The following ITSN1 variants were observed in gnomAD, a reference collection of about 807,000 sequenced individuals.
ITSN1 encodes intersectin-1.
A neutral mutation model predicts 239.8 loss-of-function variants in ITSN1; 58 were observed. The ratio of observed to expected loss-of-function variants is 0.24; its 90% CI spans 0.20 to 0.30. The LOEUF (loss-of-function observed/expected upper bound fraction) is 0.30. ITSN1 is among the 10% of genes least tolerant of loss of function. The pLI is 1.00. For missense variants in ITSN1, 1,558 were observed against 2,103.3 expected, an observed-to-expected ratio of 0.74 and a Z score of 5.07; for synonymous variants, 780 against 770.8, an observed-to-expected ratio of 1.01 and a Z score of -0.20.
intron 1 of ITSN1, among the ~76,000 whole-genome samples, chr21:33,690,869 C>G (rs1253379864): frequency 5.7e-5 from 7 of 122,814 alleles, no homozygotes; most frequent in Non-Finnish European, 1.0e-4. Flanking sequence ...AAAAAAGACC[C>G]ATTTCTGCCG....
chr21:33,670,123 A>G (rs1206805642), intron 1 of ITSN1, among the ~76,000 whole-genome samples: 4 of 152,170 alleles, frequency 2.6e-5, no homozygotes, highest in South Asian at 2.1e-4. Flanking sequence ...ACAGTTTGAG[A>G]AGCCCAGGTG....
chr21:33,724,550 T>G (rs1392023859), intron 4 of ITSN1, among the ~76,000 whole-genome samples: 2 of 152,248 alleles, frequency 1.3e-5, no homozygotes, highest in Non-Finnish European at 2.9e-5. Context: ...CAGACTTAAC[T>G]TCCTCCACTG....
At chr21:33,721,746 A>G (rs959180046) in intron 3 of ITSN1, among the ~76,000 whole-genome samples, 6 of 150,240 alleles carry the variant, frequency 4.0e-5, no homozygotes, top group Non-Finnish European at 7.4e-5. Context: ...GTGAGCCGAG[A>G]TCACGCCACT....
At chr21:33,883,430 C>A in intron 35 of ITSN1, 120 bp from the exon 36 acceptor site, 2 of 1,345,280 alleles carry the variant, frequency 1.5e-6, no homozygotes, top group Non-Finnish European at 2.1e-6. Context: ...TGCACACACG[C>A]GCTGACTTGC....
chr21:33,794,935 A>C (rs1010694799), intron 17 of ITSN1, among the ~76,000 whole-genome samples: 13 of 152,220 alleles, frequency 8.5e-5, no homozygotes, highest in African/African-American at 3.1e-4. Flanking sequence ...ACCGCTGCTT[A>C]GTGTGTAGGA....
At chr21:33,790,105 C>A (rs979798725) in intron 16 of ITSN1, among the ~76,000 whole-genome samples, 4 of 152,040 alleles carry the variant, frequency 2.6e-5, no homozygotes, top group Non-Finnish European at 5.9e-5. Context: ...CCCCTTGAGA[C>A]TAATAAAAGC....
At chr21:33,735,423 G>A in intron 5 of ITSN1, 1 of 605,212 alleles carries the variant, frequency 1.7e-6, no homozygotes, top group Non-Finnish European at 3.0e-6. Context: ...AAGCAGAGAT[G>A]CAGGCCGCCA....
chr21:33,845,609 G>A (rs1286723964), intron 29 of ITSN1, among the ~76,000 whole-genome samples: 1 of 151,888 alleles, frequency 6.6e-6, no homozygotes, highest in Non-Finnish European at 1.5e-5. Flanking sequence ...CTGAATTTTA[G>A]CACGGCTCAG....
Position 33,751,809 on chromosome 21 carries a change from G to A in ITSN1, c.527-1G>A, listed in dbSNP as rs1246040871. 1 of 1,598,094 alleles carries A rather than the reference G, an allele frequency of 6.3e-7. No individual in the cohort carries two copies. Among genetic ancestry groups the A allele is most frequent in the Non-Finnish European group, 8.6e-7 (1 of 1,167,402 alleles). ...AAATTATTCAACATTTATTTTTACA[G>A]CAGCCACATTGCCAAAGAGTTCTTC... is the stretch of plus-strand genomic sequence containing the variant. On this transcript the variant is annotated splice_acceptor_variant, in intron 6 of 39. Coordinates refer to ENST00000381318, the MANE Select transcript of ITSN1 (RefSeq NM_003024.3). LOFTEE classifies it high-confidence loss of function.
chr21:33,781,677 T>G lies in ITSN1; in HGVS notation c.1684+129T>G, dbSNP rs952082592. 4 of 596,010 alleles carry G rather than the reference T, an allele frequency of 6.7e-6. No homozygotes were observed. The African/African-American group carries it at 7.8e-5, about 12-fold the overall frequency. The allele number at this position is 596,010 out of a possible 1,614,324, so 36.9% of individuals were successfully genotyped here. A position where few individuals can be genotyped will look rare whatever the true frequency, so the allele number is the denominator to read the frequency against. ...CCAACTGTAACCTCCGCCTCCCGGG[T>G]TCAAGATTCTCTTGCCTCAGCCTCC... is the stretch of plus-strand genomic sequence containing the variant. On this transcript the variant is annotated intron_variant, in intron 15 of 39. Coordinates refer to ENST00000381318, the MANE Select transcript of ITSN1 (RefSeq NM_003024.3).
chr21:33,763,948 TG>T (rs2068544523), intron 9 of ITSN1, among the ~76,000 whole-genome samples: 2 of 152,248 alleles, frequency 1.3e-5, no homozygotes, highest in African/African-American at 4.8e-5. Flanking sequence ...CAGCTTCCTT[TG>T]CCCTTCTCTT....
chr21:33,880,688 A>T (rs549637493), intron 34 of ITSN1, among the ~76,000 whole-genome samples: 68 of 151,728 alleles, frequency 4.5e-4, no homozygotes, highest in African/African-American at 1.4e-3. Flanking sequence ...CGAACCTATC[A>T]CTCCTTCACA....
chr21:33,880,888 T>C (rs1345929717), intron 34 of ITSN1, among the ~76,000 whole-genome samples: 1 of 152,012 alleles, frequency 6.6e-6, no homozygotes, highest in African/African-American at 2.4e-5. Context: ...AAAGGGGGCC[T>C]CTGTGGGATC....
chr21:33,724,900 C>G (rs1472864060), intron 4 of ITSN1, among the ~76,000 whole-genome samples: 1 of 151,940 alleles, frequency 6.6e-6, no homozygotes, highest in Non-Finnish European at 1.5e-5. Context: ...GGCCATCTTC[C>G]TGCCTTTGCC....
intron 8 of ITSN1, among the ~76,000 whole-genome samples, chr21:33,760,888 TCTGA>T (rs886811246): frequency 6.6e-6 from 1 of 152,216 alleles, no homozygotes; most frequent in Non-Finnish European, 1.5e-5. Flanking sequence ...TTTCTCCCTC[TCTGA>T]CTGTAGTTTA....
chr21:33,861,508 G>A (rs1980519212), intron 31 of ITSN1, among the ~76,000 whole-genome samples: 1 of 152,234 alleles, frequency 6.6e-6, no homozygotes, highest in South Asian at 2.1e-4. Context: ...ATGCCTCATT[G>A]AGGGTTAGAG....
chr21:33,859,887 C>T (rs1569311615), intron 31 of ITSN1, among the ~76,000 whole-genome samples: 1 of 152,188 alleles, frequency 6.6e-6, no homozygotes, highest in Non-Finnish European at 1.5e-5. Flanking sequence ...CCCCCTGCCA[C>T]CCGATGCCGT....
chr21:33,852,225 CCA>C (rs1978453849), intron 29 of ITSN1, among the ~76,000 whole-genome samples: 1 of 152,142 alleles, frequency 6.6e-6, no homozygotes, highest in South Asian at 2.1e-4. Context: ...TATTTATGGA[CCA>C]CCTTATTGCA....
At chr21:33,693,771 G>C (rs185087925) in intron 1 of ITSN1, among the ~76,000 whole-genome samples, 2 of 152,322 alleles carry the variant, frequency 1.3e-5, no homozygotes, top group East Asian at 3.9e-4. Context: ...TTCAGTCAGG[G>C]TTGGTAGCTT....
Sources: allele counts gnomAD v4.1 joint callset (sites outside exome capture counted in the v4.1 genomes callset), GRCh38; gene constraint gnomAD v4.1.1; transcripts MANE v1.5; gene names NCBI Gene and HGNC (gene_info 2026-07-23, HGNC 2026-07-21).